AVL9: variants seen among roughly 807,000 people sequenced by gnomAD.
AVL9 encodes AVL9 cell migration associated.
Under a neutral mutation model 79.2 loss-of-function variants are expected in AVL9, and 49 were observed. The ratio of observed to expected loss-of-function variants is 0.62; its 90% CI spans 0.49 to 0.79. AVL9 has a LOEUF of 0.79. Among genes scored for constraint, AVL9 ranks in the 30% least tolerant of loss-of-function variants. The pLI, the probability that AVL9 is intolerant of heterozygous loss-of-function variation, is 0.00. For synonymous variants in AVL9, 299 were observed against 280.6 expected (o/e 1.07, Z -0.65); for missense variants, 682 against 776.8 (o/e 0.88, Z 1.45).
chr7:32,543,088 A>T, intron 1 of AVL9, 53 bp from the exon 2 acceptor site: 3 of 1,607,638 alleles, frequency 1.9e-6, no homozygotes, highest in Non-Finnish European at 2.5e-6. Context: ...CTATCAGAAT[A>T]AAATGCTTCC....
At chr7:32,526,048 C>T (rs1223629489) in intron 1 of AVL9, among the ~76,000 whole-genome samples, 1 of 152,060 alleles carries the variant, frequency 6.6e-6, no homozygotes, top group African/African-American at 2.4e-5. Context: ...AGATTGAAAC[C>T]TAGGTTACCA....
intron 1 of AVL9, among the ~76,000 whole-genome samples, chr7:32,501,695 C>G (rs1471483008): frequency 6.6e-6 from 1 of 152,212 alleles, no homozygotes; most frequent in African/African-American, 2.4e-5. Context: ...TATGGGTCCT[C>G]CCAGCTAGCA....
chr7:32,513,049 A>T (rs1787751049), intron 1 of AVL9, among the ~76,000 whole-genome samples: 1 of 152,100 alleles, frequency 6.6e-6, no homozygotes, highest in South Asian at 2.1e-4. Context: ...TAATCCCAGA[A>T]TCAGCCCCTT....
At chr7:32,578,446 G>A (rs1791195697) in intron 13 of AVL9, among the ~76,000 whole-genome samples, 1 of 152,132 alleles carries the variant, frequency 6.6e-6, no homozygotes. Context: ...CATCAAAGAA[G>A]TATATTTTGG....
rs973464409 is a variant in AVL9 at position 32,519,042 on chromosome 7, T to A, written c.93+23240T>A. On this transcript the variant is annotated intron_variant, in intron 1 of 15. Transcript: ENST00000318709. ...AAAATCTTTTGGTTCTGCTTTTGTCTGCATGTCTGTTATATCTATGATTAT... is the reference window on the plus strand; with the variant it reads ...AAAATCTTTTGGTTCTGCTTTTGTCAGCATGTCTGTTATATCTATGATTAT... 7.9e-5 allele frequency among the ~76,000 whole-genome samples: 12 copies of A among 152,352 alleles called. No homozygotes were observed. In the East Asian group the frequency reaches 2.1e-3, roughly 27 times the overall value.
At chr7:32,566,892 ATAAG>A (rs970319562) in intron 10 of AVL9, among the ~76,000 whole-genome samples, 12 of 152,312 alleles carry the variant, frequency 7.9e-5, no homozygotes, top group African/African-American at 2.2e-4. Context: ...CAAAAAATAA[ATAAG>A]TAAATGTGAC....
intron 1 of AVL9, among the ~76,000 whole-genome samples, chr7:32,496,271 C>G (rs568684031): frequency 6.6e-6 from 1 of 152,308 alleles, no homozygotes; most frequent in South Asian, 2.1e-4. Context: ...ATGCAGCCTC[C>G]GTAGAAAAAT....
chr7:32,521,290 T>G (rs78239664), intron 1 of AVL9, among the ~76,000 whole-genome samples: 1 of 152,180 alleles, frequency 6.6e-6, no homozygotes, highest in Non-Finnish European at 1.5e-5. Flanking sequence ...CAGGAAAATG[T>G]GGGAAAGTTT....
Position 32,570,145 on chromosome 7 carries a change from CA to C in AVL9, c.1342del (p.Ile448LeufsTer4). On this transcript the variant is annotated frameshift_variant, in exon 11 of 16. Transcript: ENST00000318709. LOFTEE classifies it high-confidence loss of function. The stretch of plus-strand genomic sequence containing the variant: ...GACAACAGAAACACCTCAGTGATGC[CA>C]TTGTGGAAGTACGTTTATGTGTGAG... ...FRQQKHLSDA[I>X]VEVEEALIQI... 6.2e-7 allele frequency: 1 copy of C among 1,614,158 alleles called. No individual in the cohort carries two copies. The highest frequency in any genetic ancestry group is 8.5e-7 in the Non-Finnish European group (1 of 1,180,024).
rs1035393670 is a variant in AVL9, at chr7:32,573,861, C to T, written c.1570+443C>T. Among the ~76,000 whole-genome samples, 60 of 152,190 alleles carry T rather than the reference C, an allele frequency of 3.9e-4. 1 individual carries two copies. The highest frequency in any genetic ancestry group is 3.9e-3 in the Admixed American group (60 of 15,290). On this transcript the variant is annotated intron_variant, in intron 12 of 15. Transcript: ENST00000318709. ...ATAAAAAATAGAAATCATTGAAAATCGTGTTGTAAATGATTAAATCTTCAA... is the reference window on the plus strand; with the variant it reads ...ATAAAAAATAGAAATCATTGAAAATTGTGTTGTAAATGATTAAATCTTCAA...
Position 32,557,853 on chromosome 7 carries a change from C to CTTT in AVL9, c.610-688_610-686dup, listed in dbSNP as rs3079799. ...ACTTCTATGTTTATTAGCTGTTACT[C>CTTT]TTTTTTTTTTTTTTTTTTTTGAGAC... On this transcript the variant is annotated intron_variant, in intron 8 of 15. Coordinates refer to ENST00000318709, the MANE Select transcript of AVL9 (RefSeq NM_015060.3). Among the ~76,000 whole-genome samples, 54 of 73,252 alleles carry CTTT rather than the reference C, an allele frequency of 7.4e-4. 2 individuals carry two copies. Among genetic ancestry groups the CTTT allele is most frequent in the African/African-American group, 1.6e-3 (31 of 19,408 alleles). The allele number at this position is 73,252 out of a possible 152,430, so 48.1% of individuals were successfully genotyped here. A position where few individuals can be genotyped will look rare whatever the true frequency, so the allele number is the denominator to read the frequency against.
intron 1 of AVL9, among the ~76,000 whole-genome samples, chr7:32,524,555 C>CAG (rs1562764422): frequency 4.0e-5 from 3 of 75,266 alleles, no homozygotes; most frequent in African/African-American, 1.4e-4. Context: ...CACACACACA[C>CAG]ACAGAGAGAA....
chr7:32,523,184 A>C (rs1257340535), intron 1 of AVL9, among the ~76,000 whole-genome samples: 1 of 148,382 alleles, frequency 6.7e-6, no homozygotes, highest in Non-Finnish European at 1.5e-5. Context: ...GAAAGCAAAA[A>C]GGGAGCCAAA....
chr7:32,497,812 C>T (rs1018564509), intron 1 of AVL9, among the ~76,000 whole-genome samples: 20 of 151,962 alleles, frequency 1.3e-4, no homozygotes, highest in Non-Finnish European at 2.2e-4. Context: ...CCACCGCGCC[C>T]GGCTAATTTT....
intron 10 of AVL9, chr7:32,562,733 C>A (rs927625605): frequency 1.5e-5 from 6 of 405,778 alleles, no homozygotes; most frequent in Non-Finnish European, 2.0e-5. Flanking sequence ...CCAGCCTGTG[C>A]AACAAAGCAA....
intron 1 of AVL9, among the ~76,000 whole-genome samples, chr7:32,526,235 A>G (rs1562765425): frequency 6.6e-6 from 1 of 152,144 alleles, no homozygotes; most frequent in Non-Finnish European, 1.5e-5. Context: ...GGATAAGGAT[A>G]AGGATGAAGA....
intron 12 of AVL9, among the ~76,000 whole-genome samples, chr7:32,575,239 C>T (rs183541997): frequency 6.6e-6 from 1 of 152,266 alleles, no homozygotes; most frequent in East Asian, 1.9e-4. Flanking sequence ...GCTGGGACTA[C>T]AGGTACCCGC....
At chr7:32,500,226 T>C (rs1787059862) in intron 1 of AVL9, among the ~76,000 whole-genome samples, 1 of 152,180 alleles carries the variant, frequency 6.6e-6, no homozygotes, top group East Asian at 1.9e-4. Context: ...GTAAAAGCAT[T>C]CCTATTTCAC....
At chr7:32,524,807 C>G (rs1788330479) in intron 1 of AVL9, among the ~76,000 whole-genome samples, 1 of 152,144 alleles carries the variant, frequency 6.6e-6, no homozygotes, top group African/African-American at 2.4e-5. Context: ...GTGAGTACTT[C>G]CCAGTGATAA....
Sources: allele counts gnomAD v4.1 joint callset (sites outside exome capture counted in the v4.1 genomes callset), GRCh38; gene constraint gnomAD v4.1.1; transcripts MANE v1.5; gene names NCBI Gene and HGNC (gene_info 2026-07-23, HGNC 2026-07-21).